Variants in TMEM255B observed in about 807,000 individuals in gnomAD.
TMEM255B encodes the protein family with sequence similarity 70, member B.
In TMEM255B, 35 loss-of-function variants were observed where a neutral mutation model predicts 34.5. The observed-to-expected ratio is 1.01, with a 90% CI of 0.77 to 1.34. The LOEUF is 1.34. Among genes scored for constraint, TMEM255B ranks in the 40% most tolerant of loss-of-function variants. The probability of loss-of-function intolerance (pLI) is 0.00; values close to 1 mark genes in which losing one functional copy is unlikely to be tolerated. For missense variants in TMEM255B, 432 were observed against 433.2 expected (o/e 1.00, Z 0.02); for synonymous variants, 206 against 201.2 (o/e 1.02, Z -0.20).
chr13:113,811,028 C>T (rs1445372174), intron 8 of TMEM255B, among the ~76,000 whole-genome samples: 4 of 152,122 alleles, frequency 2.6e-5, no homozygotes, highest in Non-Finnish European at 5.9e-5. Flanking sequence ...CTTCCTGGGG[C>T]GTCCACCCCC....
At chr13:113,759,707 T>G (rs937751173) in intron 1 of TMEM255B, among the ~76,000 whole-genome samples, 3 of 152,290 alleles carry the variant, frequency 2.0e-5, no homozygotes, top group Admixed American at 6.5e-5. Context: ...TCTCTTCCGT[T>G]TATTCCAACC....
chr13:113,776,247 C>T (rs924986486), intron 3 of TMEM255B, among the ~76,000 whole-genome samples: 52 of 152,238 alleles, frequency 3.4e-4, no homozygotes, highest in African/African-American at 1.2e-3. Context: ...TTGGGGGCCG[C>T]CCGCCCTGCC....
At chr13:113,775,249 G>A (rs182588257) in intron 3 of TMEM255B, among the ~76,000 whole-genome samples, 1 of 152,012 alleles carries the variant, frequency 6.6e-6, no homozygotes, top group Admixed American at 6.6e-5. Context: ...ACCACACACA[G>A]AAGTCTTTGG....
chr13:113,769,245 C>T lies in TMEM255B; in HGVS notation c.252+85C>T. 2.7e-6 allele frequency: 4 copies of T among 1,455,958 alleles called. No homozygotes were observed. The highest frequency in any genetic ancestry group is 2.3e-5 in the South Asian group (2 of 86,840). The allele number at this position is 1,455,958 out of a possible 1,614,324, so 90.2% of individuals were successfully genotyped here. A position where few individuals can be genotyped will look rare whatever the true frequency, so the allele number is the denominator to read the frequency against. ...GCACTGGGGCTCTGAGAAGAGTCAG[C>T]CCTGCCTCCCCAGCACACTGGTGTC... On this transcript the variant is annotated intron_variant, in intron 3 of 8. Coordinates refer to ENST00000375353, the MANE Select transcript of TMEM255B (RefSeq NM_182614.4). The surrounding 1 kb of genome is among the most constrained non-coding windows in gnomAD (Gnocchi z 4.2).
chr13:113,796,880 G>T (rs2050950787), intron 4 of TMEM255B, among the ~76,000 whole-genome samples: 1 of 151,726 alleles, frequency 6.6e-6, no homozygotes, highest in African/African-American at 2.4e-5. Context: ...ATGAAGGCAA[G>T]TGTGGGAGCA....
chr13:113,780,399 A>G (rs1344217453), intron 3 of TMEM255B, among the ~76,000 whole-genome samples: 1 of 152,256 alleles, frequency 6.6e-6, no homozygotes, highest in Non-Finnish European at 1.5e-5. Flanking sequence ...AGTCACAAAT[A>G]CTTTCCAAAT....
intron 1 of TMEM255B, among the ~76,000 whole-genome samples, chr13:113,760,798 G>C (rs1269514693): frequency 1.5e-5 from 2 of 135,904 alleles, no homozygotes; most frequent in Admixed American, 1.5e-4. Flanking sequence ...TATCGGGGGT[G>C]GGTTATGGTC....
intron 2 of TMEM255B, 87 bp downstream of exon 2, chr13:113,766,344 G>T (rs1370039450): frequency 6.3e-7 from 1 of 1,588,804 alleles, no homozygotes; most frequent in Non-Finnish European, 8.6e-7. Flanking sequence ...AGCTCACAGG[G>T]CTGGGGCTGA....
Position 113,801,662 on chromosome 13 carries a change from C to G in TMEM255B, c.519C>G (p.Pro173=), listed in dbSNP as rs145528185. Residue 173 remains proline, a synonymous_variant, in exon 7 of 9, where the codon CCC becomes CCG. Transcript: ENST00000375353. Reference sequence around the variant, plus strand: ...TGCCCTCTCTGTGCAGCGCAGAGCCCTCGCCCGCCTACTATGAGTTCATCG... The same window carrying G: ...TGCCCTCTCTGTGCAGCGCAGAGCCGTCGCCCGCCTACTATGAGTTCATCG... The part of the protein sequence containing the change: ...CDLYACGSAE[P]SPAYYEFIGV... 634 of 1,609,242 alleles carry G rather than the reference C, an allele frequency of 3.9e-4. 5 individuals carry two copies. Among genetic ancestry groups the G allele is most frequent in the Non-Finnish European group, 3.9e-4 (455 of 1,177,364 alleles).
intron 3 of TMEM255B, among the ~76,000 whole-genome samples, chr13:113,775,359 G>C (rs922911733): frequency 6.6e-6 from 1 of 152,268 alleles, no homozygotes; most frequent in African/African-American, 2.4e-5. Context: ...GGGCCTCGCT[G>C]TCGTGGGAGC....
chr13:113,763,740 C>T (rs778095375), intron 1 of TMEM255B, among the ~76,000 whole-genome samples: 3 of 152,234 alleles, frequency 2.0e-5, no homozygotes, highest in African/African-American at 7.2e-5. Flanking sequence ...TTCTGAGCAG[C>T]GTAAAAATCA....
chr13:113,801,862 G>T lies in TMEM255B; in HGVS notation c.669+50G>T, dbSNP rs574179074. On this transcript the variant is annotated intron_variant, in intron 7 of 8. Coordinates refer to ENST00000375353, the MANE Select transcript of TMEM255B (RefSeq NM_182614.4). Reference sequence around the variant, plus strand: ...GCTGCTCACTGGGAGCCGGGGCTCCGGGTCCATTTCCCCGGGGTGGGCTGG... The same window carrying T: ...GCTGCTCACTGGGAGCCGGGGCTCCTGGTCCATTTCCCCGGGGTGGGCTGG... 4.2e-5 allele frequency: 63 copies of T among 1,510,806 alleles called. 1 individual carries two copies. The South Asian group carries it at 7.5e-4, about 18-fold the overall frequency. 93.6% of individuals were successfully genotyped at this position (1,510,806 alleles called of 1,614,324 possible).
intron 1 of TMEM255B, among the ~76,000 whole-genome samples, chr13:113,763,351 T>TCAAC (rs1413393488): frequency 6.6e-6 from 1 of 152,220 alleles, no homozygotes; most frequent in Non-Finnish European, 1.5e-5. Context: ...CTAAAACGAA[T>TCAAC]CAACCAGAAC....
rs141187003 is a variant in TMEM255B, at chr13:113,789,091, G to A, written c.253-6057G>A. Among the ~76,000 whole-genome samples the A allele has an allele frequency of 4.1e-3, 627 of 151,448 alleles. 4 individuals carry two copies. Among genetic ancestry groups the A allele is most frequent in the African/African-American group, 0.014 (575 of 41,260 alleles). On this transcript the variant is annotated intron_variant, in intron 3 of 8. Coordinates refer to ENST00000375353, the MANE Select transcript of TMEM255B (RefSeq NM_182614.4). ...CCGCCCTCTTGAGGTAGCTGCACCCGGGCCACTCTCCCTCCCCACCTTATC... is the reference window on the plus strand; with the variant it reads ...CCGCCCTCTTGAGGTAGCTGCACCCAGGCCACTCTCCCTCCCCACCTTATC...
At chr13:113,765,151 G>A (rs925637307) in intron 1 of TMEM255B, among the ~76,000 whole-genome samples, 1 of 152,180 alleles carries the variant, frequency 6.6e-6, no homozygotes, top group African/African-American at 2.4e-5. Flanking sequence ...CTGTGCCGGG[G>A]GCTGTGCTGA....
chr13:113,783,545 T>C (rs1320134526), intron 3 of TMEM255B, among the ~76,000 whole-genome samples: 1 of 152,194 alleles, frequency 6.6e-6, no homozygotes, highest in Non-Finnish European at 1.5e-5. Context: ...AGAGAAAGAT[T>C]CCAGGTGCTG....
Position 113,801,919 on chromosome 13 carries a change from C to T in TMEM255B, c.669+107C>T, listed in dbSNP as rs896459823. 6.1e-5 allele frequency: 77 copies of T among 1,260,664 alleles called. 1 individual carries two copies. The highest frequency in any genetic ancestry group is 1.6e-5 in the South Asian group (1 of 63,464). 78.1% of individuals were successfully genotyped at this position (1,260,664 alleles called of 1,614,324 possible). A position where few individuals can be genotyped will look rare whatever the true frequency, so the allele number is the denominator to read the frequency against. On this transcript the variant is annotated intron_variant, in intron 7 of 8. Transcript: ENST00000375353. ...TCCAGCCCTCACTTTACAGATGGGGCACTGAAGCCCATGCGTCTGTCAGCA... is the reference window on the plus strand; with the variant it reads ...TCCAGCCCTCACTTTACAGATGGGGTACTGAAGCCCATGCGTCTGTCAGCA...
At position 113,784,825 on chromosome 13, in the gene TMEM255B, C is replaced by T. The variant is rs549593767; in HGVS notation, c.253-10323C>T. On this transcript the variant is annotated intron_variant, in intron 3 of 8. Coordinates refer to ENST00000375353, the MANE Select transcript of TMEM255B (RefSeq NM_182614.4). ...GCCTGGGACGAGCTGCCACTGCCCA[C>T]GGCTTCCTGGGTTGCAAGAGAGCCT... Among the ~76,000 whole-genome samples the T allele has an allele frequency of 5.7e-4, 87 of 152,346 alleles. 1 individual carries two copies. In the South Asian group the frequency reaches 0.016, roughly 27 times the overall value.
chr13:113,799,359 G>A lies in TMEM255B; in HGVS notation c.363G>A (p.Thr121=), dbSNP rs369542516. 3.5e-5 allele frequency: 57 copies of A among 1,613,936 alleles called. No individual in the cohort carries two copies. Among genetic ancestry groups the A allele is most frequent in the Middle Eastern group, 1.7e-4 (1 of 6,022 alleles). Residue 121 remains threonine, a synonymous_variant, in exon 5 of 9, where the codon ACG becomes ACA. Coordinates refer to ENST00000375353, the MANE Select transcript of TMEM255B (RefSeq NM_182614.4). ...AQHIEPRPLT[T]GRCQFYSSGV... Reference sequence around the variant, plus strand: ...TCTAGGAACCGAGGCCCCTCACCACGGGAAGATGCCAGTTTTACTCCAGTG... The same window carrying A: ...TCTAGGAACCGAGGCCCCTCACCACAGGAAGATGCCAGTTTTACTCCAGTG...
Sources: gnomAD v4.1 joint callset for allele counts (sites outside exome capture counted in the v4.1 genomes callset) on GRCh38, gnomAD v4.1.1 for gene constraint, Gnocchi (gnomAD v3.1) non-coding constraint, MANE v1.5 for transcripts, NCBI Gene and HGNC (gene_info 2026-07-23, HGNC 2026-07-21) for gene names.